The following GFPT1 variants were observed in gnomAD, a reference collection of about 807,000 sequenced individuals.
GFPT1 encodes the protein glutamine--fructose-6-phosphate transaminase 1, also known as glutamine--fructose-6-phosphate aminotransferase [isomerizing] 1.
In GFPT1, 40 loss-of-function variants were observed where a neutral mutation model predicts 92.0. The ratio of observed to expected loss-of-function variants is 0.43; its 90% confidence interval spans 0.34 to 0.57. The LOEUF (loss-of-function observed/expected upper bound fraction) is 0.57. Ranked by LOEUF, GFPT1 falls within the 20% of genes least tolerant of loss-of-function variation. GFPT1 has a pLI of 0.02. For synonymous variants in GFPT1, 269 were observed against 280.6 expected (o/e 0.96, Z 0.41); for missense variants, 448 against 869.1 (o/e 0.52, Z 6.09).
At chr2:69,345,204 C>T (rs959226441) in intron 12 of GFPT1, among the ~76,000 whole-genome samples, 30 of 151,890 alleles carry the variant, frequency 2.0e-4, no homozygotes, top group African/African-American at 7.0e-4. Flanking sequence ...TGCGGTGAGC[C>T]GAGATGGCAC....
chr2:69,333,723 C>T (rs1051222855), intron 15 of GFPT1, among the ~76,000 whole-genome samples: 1 of 152,172 alleles, frequency 6.6e-6, no homozygotes, highest in Admixed American at 6.5e-5. Flanking sequence ...GTAGTATCAA[C>T]TTGTCTATGG....
chr2:69,363,861 T>G (rs1671540668), intron 3 of GFPT1, among the ~76,000 whole-genome samples, 191 bp from the exon 4 acceptor site: 1 of 152,178 alleles, frequency 6.6e-6, no homozygotes, highest in Non-Finnish European at 1.5e-5. Context: ...ACGCCCGTAA[T>G]CCCAGCACTG....
intron 13 of GFPT1, among the ~76,000 whole-genome samples, chr2:69,338,839 C>A (rs865953074): frequency 1.6e-5 from 2 of 128,856 alleles, no homozygotes; most frequent in Non-Finnish European, 3.1e-5. Context: ...CTCGCTCTGT[C>A]GCCAGGCTGG....
At chr2:69,331,252 T>C (rs1379624737) in intron 15 of GFPT1, among the ~76,000 whole-genome samples, 1 of 152,220 alleles carries the variant, frequency 6.6e-6, no homozygotes, top group Non-Finnish European at 1.5e-5. Flanking sequence ...GCTAAGCTTT[T>C]TTTTCATGTT....
intron 3 of GFPT1, among the ~76,000 whole-genome samples, chr2:69,367,348 TTGTTG>T (rs1439747008): frequency 3.1e-4 from 47 of 151,048 alleles, no homozygotes; most frequent in Non-Finnish European, 6.3e-4. Flanking sequence ...TTATTTTTTG[TTGTTG>T]TTGTTGTTGT....
At chr2:69,342,727 T>TA (rs1181190181) in intron 12 of GFPT1, among the ~76,000 whole-genome samples, 4 of 152,218 alleles carry the variant, frequency 2.6e-5, no homozygotes, top group Admixed American at 6.5e-5. Flanking sequence ...TTGTCAAACT[T>TA]AGAGTTATAC....
chr2:69,367,584 C>T (rs1415274328), intron 3 of GFPT1, among the ~76,000 whole-genome samples: 1 of 152,160 alleles, frequency 6.6e-6, no homozygotes, highest in Non-Finnish European at 1.5e-5. Flanking sequence ...TGGTCTCAAA[C>T]ACCAGAGCTC....
chr2:69,355,983 CTTTTTTTTTT>C (rs1157501841), intron 7 of GFPT1, among the ~76,000 whole-genome samples: 3 of 75,616 alleles, frequency 4.0e-5, no homozygotes, highest in African/African-American at 6.1e-5. Flanking sequence ...TATTTGCTTT[CTTTTTTTTTT>C]TTTTTTTTTT....
At position 69,374,711 on chromosome 2, in the gene GFPT1, T is replaced by C. The variant is rs1453674875; in HGVS notation, c.8-598A>G. Among the ~76,000 whole-genome samples, 5 of 152,220 alleles carry C rather than the reference T, an allele frequency of 3.3e-5. No homozygotes were observed. The East Asian group carries it at 7.7e-4, about 23-fold the overall frequency. Reference sequence around the variant, plus strand: ...AACCAATTAACAAATTCATGGTTTATGTCCTATATACAGAGCATTTCGTTT... The same window carrying C: ...AACCAATTAACAAATTCATGGTTTACGTCCTATATACAGAGCATTTCGTTT... On this transcript the variant is annotated intron_variant, in intron 1 of 19. Transcript: ENST00000357308.
intron 1 of GFPT1, among the ~76,000 whole-genome samples, chr2:69,384,693 C>CAAAAAAAAAAAAAAAA (rs71964630): frequency 8.4e-5 from 9 of 106,610 alleles, no homozygotes; most frequent in Non-Finnish European, 1.3e-4. Context: ...GGCCCCGTCA[C>CAAAAAAAAAAAAAAAA]AAAAAAAAAA....
chr2:69,366,261 T>TTC (rs1558769576), intron 3 of GFPT1, among the ~76,000 whole-genome samples: 3 of 151,926 alleles, frequency 2.0e-5, no homozygotes, highest in Non-Finnish European at 4.4e-5. Flanking sequence ...TCACTGTTGC[T>TTC]GTAGGAACAT....
chr2:69,381,565 T>C (rs904593136), intron 1 of GFPT1, among the ~76,000 whole-genome samples: 2 of 151,860 alleles, frequency 1.3e-5, no homozygotes, highest in African/African-American at 4.8e-5. Context: ...ACTTTTTTTT[T>C]TTTTTTTAAC....
At chr2:69,383,092 T>C (rs1004643049) in intron 1 of GFPT1, among the ~76,000 whole-genome samples, 2 of 152,196 alleles carry the variant, frequency 1.3e-5, no homozygotes, top group African/African-American at 2.4e-5. Context: ...ACCTGAAATA[T>C]ACGGTCAAAA....
intron 1 of GFPT1, among the ~76,000 whole-genome samples, chr2:69,375,921 G>A (rs1671858184): frequency 6.6e-6 from 1 of 152,180 alleles, no homozygotes; most frequent in South Asian, 2.1e-4. Context: ...AACTTTCAAT[G>A]GCTACTCATG....
chr2:69,385,881 G>A lies in GFPT1; in HGVS notation c.7+1184C>T, dbSNP rs1672117006. 2.0e-5 allele frequency among the ~76,000 whole-genome samples: 3 copies of A among 151,858 alleles called. No individual in the cohort carries two copies. The South Asian group carries it at 6.2e-4, about 32-fold the overall frequency. On this transcript the variant is annotated intron_variant, in intron 1 of 19. Coordinates refer to ENST00000357308, the MANE Select transcript of GFPT1 (RefSeq NM_001244710.2). ...AATTTAAACCTGCTCCTCATTTTCA[G>A]AAGCTGAAATGAGCATAAAGTTAAA...
chr2:69,343,433 CAG>C (rs1671004230), intron 12 of GFPT1, among the ~76,000 whole-genome samples: 1 of 149,386 alleles, frequency 6.7e-6, no homozygotes, highest in African/African-American at 2.5e-5. Flanking sequence ...TTTTTTGAGA[CAG>C]AGTCTTGCTC....
chr2:69,384,604 C>G (rs1672083544), intron 1 of GFPT1, among the ~76,000 whole-genome samples: 1 of 145,516 alleles, frequency 6.9e-6, no homozygotes, highest in Non-Finnish European at 1.5e-5. Context: ...CCCAGCTACT[C>G]GGGAGGTTGA....
intron 1 of GFPT1, among the ~76,000 whole-genome samples, chr2:69,380,687 T>A (rs928181921): frequency 6.6e-6 from 1 of 152,214 alleles, no homozygotes; most frequent in Non-Finnish European, 1.5e-5. Context: ...CTACAATTTT[T>A]CATCATACTG....
chr2:69,359,257 A>G lies in GFPT1; in HGVS notation c.408+11T>C. On this transcript the variant is annotated intron_variant, in intron 5 of 19. Coordinates refer to ENST00000357308, the MANE Select transcript of GFPT1 (RefSeq NM_001244710.2). ...TCAAAGACTGGGGTCTTTTGAGGTC[A>G]CCTTACTTACCAAAAACTTTTTCAA... 1.4e-6 allele frequency: 2 copies of G among 1,465,790 alleles called. No individual in the cohort carries two copies. The highest frequency in any genetic ancestry group is 1.4e-5 in the African/African-American group (1 of 72,124). 90.8% of individuals were successfully genotyped at this position (1,465,790 alleles called of 1,614,324 possible).
Sources: gnomAD v4.1 joint callset for allele counts (sites outside exome capture counted in the v4.1 genomes callset) on GRCh38, gnomAD v4.1.1 for gene constraint, MANE v1.5 for transcripts, NCBI Gene and HGNC (gene_info 2026-07-23, HGNC 2026-07-21) for gene names.